SPAG16: variants seen among roughly 807,000 people sequenced by gnomAD.
SPAG16 encodes sperm-associated antigen 16 protein.
SPAG16 carries 86 observed loss-of-function variants against 80.4 expected under a neutral mutation model. The observed-to-expected ratio is 1.07, with a 90% confidence interval of 0.90 to 1.28. The LOEUF is 1.28. Ranked by LOEUF, SPAG16 falls within the 50% of genes most tolerant of loss-of-function variation. The pLI is 0.00. For missense variants in SPAG16, 870 were observed against 765.3 expected (o/e 1.14, Z -1.61); for synonymous variants, 294 against 265.9 (o/e 1.11, Z -1.03).
chr2:213,394,945 A>C (rs948309295), intron 9 of SPAG16, among the ~76,000 whole-genome samples: 2 of 152,036 alleles, frequency 1.3e-5, no homozygotes, highest in African/African-American at 4.8e-5. Context: ...ACTTTACTTG[A>C]GTTTTGGTAG....
chr2:213,620,455 G>T (rs1448698962), intron 10 of SPAG16, among the ~76,000 whole-genome samples: 3 of 151,760 alleles, frequency 2.0e-5, no homozygotes, highest in African/African-American at 7.3e-5. Flanking sequence ...ACCACGCCCG[G>T]CTAATTTTTT....
intron 9 of SPAG16, among the ~76,000 whole-genome samples, chr2:213,467,691 C>T (rs1212729049): frequency 6.6e-6 from 1 of 152,128 alleles, no homozygotes; most frequent in African/African-American, 2.4e-5. Context: ...GTTATTGGAG[C>T]CAGGGAGAGA....
At chr2:213,356,269 G>A (rs2065644898) in intron 7 of SPAG16, among the ~76,000 whole-genome samples, 1 of 152,160 alleles carries the variant, frequency 6.6e-6, no homozygotes, top group African/African-American at 2.4e-5. Context: ...CATAAAATGA[G>A]TTAGGGAGGA....
At chr2:213,336,523 G>T (rs1359436344) in intron 5 of SPAG16, among the ~76,000 whole-genome samples, 1 of 152,220 alleles carries the variant, frequency 6.6e-6, no homozygotes, top group Non-Finnish European at 1.5e-5. Flanking sequence ...CATCACTGCG[G>T]CTCCAGTTGG....
At chr2:213,546,120 T>C (rs1185881425) in intron 10 of SPAG16, among the ~76,000 whole-genome samples, 2 of 152,164 alleles carry the variant, frequency 1.3e-5, no homozygotes, top group Non-Finnish European at 2.9e-5. Context: ...GACCAAGGAC[T>C]CTCAGGCCTA....
At chr2:213,391,795 A>G (rs1474855224) in intron 9 of SPAG16, among the ~76,000 whole-genome samples, 1 of 152,158 alleles carries the variant, frequency 6.6e-6, no homozygotes, top group Non-Finnish European at 1.5e-5. Flanking sequence ...TACTTTAGCC[A>G]TTTTATTATG....
chr2:213,646,284 T>C (rs1439451481), intron 10 of SPAG16, among the ~76,000 whole-genome samples: 2 of 152,168 alleles, frequency 1.3e-5, no homozygotes, highest in Non-Finnish European at 2.9e-5. Flanking sequence ...TTGGTGTCCT[T>C]ATGGGGGCGG....
chr2:214,011,140 T>TC (rs775914466), intron 12 of SPAG16, among the ~76,000 whole-genome samples: 19 of 145,478 alleles, frequency 1.3e-4, no homozygotes, highest in Non-Finnish European at 2.5e-4. Context: ...TTTATCTCTC[T>TC]CTTTTTCTCT....
intron 10 of SPAG16, among the ~76,000 whole-genome samples, chr2:213,656,610 G>T (rs1049053684): frequency 2.0e-5 from 3 of 152,162 alleles, no homozygotes; most frequent in African/African-American, 7.2e-5. Context: ...TTGTTTCACT[G>T]GTAGGCAAGG....
intron 10 of SPAG16, among the ~76,000 whole-genome samples, chr2:213,658,534 C>A (rs2063303985): frequency 6.6e-6 from 1 of 152,178 alleles, no homozygotes; most frequent in Admixed American, 6.5e-5. Flanking sequence ...GTTCTAAGCA[C>A]TTTACATGCT....
intron 13 of SPAG16, among the ~76,000 whole-genome samples, chr2:214,045,209 G>A (rs189161673): frequency 1.9e-4 from 29 of 152,136 alleles, no homozygotes; most frequent in Non-Finnish European, 3.8e-4. Flanking sequence ...CTCTGCCAGA[G>A]TAGGATAGGG....
intron 9 of SPAG16, among the ~76,000 whole-genome samples, chr2:213,400,083 G>A (rs1480958732): frequency 1.3e-5 from 2 of 151,278 alleles, no homozygotes; most frequent in African/African-American, 2.4e-5. Flanking sequence ...TATAAATTTT[G>A]TTGGTACTTT....
In SPAG16 at chr2:214,361,111, T is replaced by C. The variant is rs149581406; in HGVS notation, c.1721-49029T>C. 1.4e-3 allele frequency among the ~76,000 whole-genome samples: 219 copies of C among 151,930 alleles called. 1 individual carries two copies. The highest frequency in any genetic ancestry group is 6.8e-3 in the Middle Eastern group (2 of 294). On this transcript the variant is annotated intron_variant, in intron 15 of 15. Transcript: ENST00000331683. ...TATTCTGGAGGATCCAGCTTTTAGG[T>C]AGATAGGGAAACTTCAGAGAAAGCC...
chr2:213,869,277 A>ACG (rs1559538188), intron 11 of SPAG16, among the ~76,000 whole-genome samples: 1,483 of 68,904 alleles, frequency 0.022, 79 homozygotes, highest in Non-Finnish European at 0.037. Flanking sequence ...ATATATATAT[A>ACG]TATGTATATA....
intron 10 of SPAG16, among the ~76,000 whole-genome samples, chr2:213,747,621 C>T (rs913030120): frequency 3.9e-5 from 6 of 152,156 alleles, no homozygotes; most frequent in African/African-American, 1.2e-4. Flanking sequence ...CTACAATATT[C>T]GGTATGGTAA....
At chr2:214,176,624 T>G (rs10460418) in intron 15 of SPAG16, among the ~76,000 whole-genome samples, 38,142 of 151,232 alleles carry the variant, frequency 0.25, 5,341 homozygotes, top group South Asian at 0.33. Context: ...CCAAAGAATG[T>G]ATAGTTGTAT....
Position 214,041,970 on chromosome 2 carries a change from C to CTGTG in SPAG16, c.1527+27899_1527+27902dup, listed in dbSNP as rs199736767. On this transcript the variant is annotated intron_variant, in intron 13 of 15. Coordinates refer to ENST00000331683, the MANE Select transcript of SPAG16 (RefSeq NM_024532.5). ...ATAGTTTGTGTATATATTTGTGTGT[C>CTGTG]TGTGTGTGTATATATATATATATAT... is the stretch of plus-strand genomic sequence containing the variant. 6.1e-3 allele frequency among the ~76,000 whole-genome samples: 569 copies of CTGTG among 92,720 alleles called. 4 individuals carry two copies. The highest frequency in any genetic ancestry group is 8.2e-3 in the African/African-American group (200 of 24,494). 60.8% of individuals were successfully genotyped at this position (92,720 alleles called of 152,430 possible).
chr2:214,186,645 G>C (rs1235380276), intron 15 of SPAG16, among the ~76,000 whole-genome samples: 1 of 152,088 alleles, frequency 6.6e-6, no homozygotes, highest in Non-Finnish European at 1.5e-5. Flanking sequence ...GGAATAGATG[G>C]AGGTAATGAA....
At chr2:214,094,553 A>C (rs2125330399) in intron 13 of SPAG16, among the ~76,000 whole-genome samples, 1 of 152,156 alleles carries the variant, frequency 6.6e-6, no homozygotes, top group African/African-American at 2.4e-5. Context: ...ATTGTTCTAC[A>C]ATATCTGTGC....
Sources: allele counts gnomAD v4.1 joint callset (sites outside exome capture counted in the v4.1 genomes callset), GRCh38; gene constraint gnomAD v4.1.1; transcripts MANE v1.5; gene names NCBI Gene and HGNC (gene_info 2026-07-23, HGNC 2026-07-21).